Variants in ARHGAP42 observed in about 807,000 individuals in gnomAD.
The protein encoded by ARHGAP42 is Rho GTPase activating protein 42, also known as rho GTPase-activating protein 42.
Under a neutral mutation model 125.0 loss-of-function variants are expected in ARHGAP42, and 63 were observed. The observed-to-expected ratio is 0.50, with a 90% CI of 0.41 to 0.62. ARHGAP42 has a LOEUF of 0.62. Among genes scored for constraint, ARHGAP42 ranks in the 20% least tolerant of loss-of-function variants. ARHGAP42 has a pLI of 0.00. For missense variants in ARHGAP42, 766 were observed against 1,024.2 expected (o/e 0.75, Z 3.44); for synonymous variants, 339 against 351.0 (o/e 0.97, Z 0.38).
chr11:100,862,919 C>G (rs1591247613), intron 4 of ARHGAP42, among the ~76,000 whole-genome samples: 1 of 151,682 alleles, frequency 6.6e-6, no homozygotes, highest in African/African-American at 2.4e-5. Context: ...TGCCTGTAAT[C>G]CCAGCTACTC....
intron 22 of ARHGAP42, chr11:100,986,100 A>G (rs1858672375): frequency 2.2e-6 from 1 of 456,562 alleles, no homozygotes; most frequent in South Asian, 1.5e-5. Flanking sequence ...TATACTACTA[A>G]GCATCAGACA....
intron 4 of ARHGAP42, among the ~76,000 whole-genome samples, chr11:100,909,013 AGCTG>A (rs1170216997): frequency 1.3e-5 from 2 of 152,040 alleles, no homozygotes; most frequent in Non-Finnish European, 2.9e-5. Context: ...TATGTTTGTT[AGCTG>A]CTTGTGTGTC....
At chr11:100,890,992 T>C (rs952255447) in intron 4 of ARHGAP42, among the ~76,000 whole-genome samples, 4 of 152,228 alleles carry the variant, frequency 2.6e-5, no homozygotes, top group South Asian at 2.1e-4. Context: ...TGAGTTGCAC[T>C]CAGCATCTTG....
chr11:100,691,986 T>A (rs1202020261), intron 1 of ARHGAP42, among the ~76,000 whole-genome samples: 2 of 150,878 alleles, frequency 1.3e-5, no homozygotes, highest in African/African-American at 2.4e-5. Flanking sequence ...ACATACAACT[T>A]TTATTTGTCA....
intron 2 of ARHGAP42, 105 bp downstream of exon 2, chr11:100,770,543 A>C: frequency 1.1e-6 from 1 of 892,416 alleles, no homozygotes; most frequent in Non-Finnish European, 1.6e-6. Flanking sequence ...TCTGACTTTG[A>C]CAATACTATA....
At chr11:100,883,866 A>C (rs752591232) in intron 4 of ARHGAP42, among the ~76,000 whole-genome samples, 1 of 152,188 alleles carries the variant, frequency 6.6e-6, no homozygotes, top group Non-Finnish European at 1.5e-5. Flanking sequence ...ATAGCTCCAG[A>C]GGTGAATGTG....
intron 1 of ARHGAP42, among the ~76,000 whole-genome samples, chr11:100,757,134 G>T (rs1293917883): frequency 6.6e-6 from 1 of 152,132 alleles, no homozygotes; most frequent in Non-Finnish European, 1.5e-5. Context: ...TTTTTAAAGT[G>T]AGAAAATGGT....
chr11:100,924,432 C>T (rs570129382), intron 6 of ARHGAP42, among the ~76,000 whole-genome samples: 3 of 151,990 alleles, frequency 2.0e-5, no homozygotes, highest in African/African-American at 7.3e-5. Flanking sequence ...TTTGGGAGGC[C>T]GAGGCGGGTG....
intron 1 of ARHGAP42, among the ~76,000 whole-genome samples, chr11:100,704,738 C>T (rs894567076): frequency 1.3e-5 from 2 of 151,750 alleles, no homozygotes; most frequent in Non-Finnish European, 2.9e-5. Flanking sequence ...GAGGGAGGAT[C>T]TCTTGAAGCT....
At chr11:100,787,754 G>C (rs1004313749) in intron 2 of ARHGAP42, among the ~76,000 whole-genome samples, 1 of 152,152 alleles carries the variant, frequency 6.6e-6, no homozygotes, top group African/African-American at 2.4e-5. Context: ...TAGACTATGG[G>C]TCATAACCCC....
At chr11:100,843,239 A>G (rs938118473) in intron 3 of ARHGAP42, among the ~76,000 whole-genome samples, 1 of 152,132 alleles carries the variant, frequency 6.6e-6, no homozygotes, top group Non-Finnish European at 1.5e-5. Flanking sequence ...ATACCTGGAA[A>G]GATACAACAC....
chr11:100,986,206 A>T (rs1858674965), intron 22 of ARHGAP42: 2 of 417,300 alleles, frequency 4.8e-6, no homozygotes, highest in South Asian at 3.5e-5. Context: ...GACTTGAAGC[A>T]GGAAGATATG....
rs75939182 is a variant in ARHGAP42 at position 100,842,470 on chromosome 11, G to A, written c.313-17084G>A. Among the ~76,000 whole-genome samples the A allele has an allele frequency of 7.4e-3, 1,118 of 152,102 alleles. 5 individuals are homozygous for A. Among genetic ancestry groups the A allele is most frequent in the Middle Eastern group, 0.034 (10 of 294 alleles). ...TTATTATTCTGTCTTACATTTTCTCGGACAATTAGCTTCCAGGGCCCAAGA... is the reference window on the plus strand; with the variant it reads ...TTATTATTCTGTCTTACATTTTCTCAGACAATTAGCTTCCAGGGCCCAAGA... On this transcript the variant is annotated intron_variant, in intron 3 of 23. Transcript: ENST00000298815.
intron 2 of ARHGAP42, among the ~76,000 whole-genome samples, chr11:100,783,734 TC>T (rs1253134695): frequency 6.6e-6 from 1 of 152,192 alleles, no homozygotes; most frequent in Non-Finnish European, 1.5e-5. Flanking sequence ...TGTGCAAATT[TC>T]CCAGGGATGA....
intron 1 of ARHGAP42, among the ~76,000 whole-genome samples, chr11:100,748,972 CTCTG>C (rs772238708): frequency 6.6e-6 from 1 of 152,052 alleles, no homozygotes; most frequent in Non-Finnish European, 1.5e-5. Context: ...CTCTTTGTCT[CTCTG>C]TCTCTTTCTC....
intron 22 of ARHGAP42, among the ~76,000 whole-genome samples, chr11:100,987,280 A>G (rs1281062100): frequency 6.6e-6 from 1 of 152,218 alleles, no homozygotes; most frequent in Non-Finnish European, 1.5e-5. Flanking sequence ...CCTGGAGAGC[A>G]TTGCCTAGAA....
intron 1 of ARHGAP42, among the ~76,000 whole-genome samples, chr11:100,715,622 CCTCCTGT>C (rs1427984289): frequency 6.6e-6 from 1 of 152,202 alleles, no homozygotes; most frequent in Non-Finnish European, 1.5e-5. Flanking sequence ...TGTGTAAAAA[CCTCCTGT>C]CAGTGATAGA....
chr11:100,803,180 A>T (rs1156781182), intron 3 of ARHGAP42, among the ~76,000 whole-genome samples: 1 of 151,250 alleles, frequency 6.6e-6, no homozygotes, highest in Non-Finnish European at 1.5e-5. Context: ...GTTAGAGACC[A>T]GCATGGGCAA....
intron 3 of ARHGAP42, among the ~76,000 whole-genome samples, chr11:100,825,622 G>A (rs1033509153): frequency 1.3e-5 from 2 of 152,106 alleles, no homozygotes; most frequent in Non-Finnish European, 1.5e-5. Context: ...CTCCAGTACC[G>A]TGTTGGCTGT....
Sources: gnomAD v4.1 joint callset for allele counts (sites outside exome capture counted in the v4.1 genomes callset) on GRCh38, gnomAD v4.1.1 for gene constraint, MANE v1.5 for transcripts, NCBI Gene and HGNC (gene_info 2026-07-23, HGNC 2026-07-21) for gene names.